The following XIRP2 variants were observed in gnomAD, a reference collection of about 807,000 sequenced individuals.
XIRP2 encodes xin actin binding repeat containing 2, also known as xin actin-binding repeat-containing protein 2.
XIRP2 carries 236 observed loss-of-function variants against 277.0 expected under a neutral mutation model. That is an observed-to-expected ratio of 0.85 (90% CI 0.77 to 0.95). The LOEUF is 0.95. Among genes scored for constraint, XIRP2 ranks in the 40% least tolerant of loss-of-function variants. XIRP2 has a pLI of 0.00. For synonymous variants in XIRP2, 1,490 were observed against 1,416.5 expected (o/e 1.05, Z -1.17); for missense variants, 4,640 against 4,157.5 (o/e 1.12, Z -3.19).
rs528312691 is a variant in XIRP2 at position 167,093,977 on chromosome 2, T to A, written c.409-41932T>A. Among the ~76,000 whole-genome samples, 17 of 151,966 alleles carry A rather than the reference T, an allele frequency of 1.1e-4. No homozygotes were observed. In the East Asian group the frequency reaches 2.7e-3, roughly 24 times the overall value. On this transcript the variant is annotated intron_variant, in intron 2 of 10. Transcript: ENST00000409195. ...ATTTCTCCACATCCTCTCCAGCATC[T>A]GTTGTTTCCTAACATTTTAATGATC...
chr2:167,214,618 G>A (rs1694189031), intron 4 of XIRP2, among the ~76,000 whole-genome samples: 1 of 152,072 alleles, frequency 6.6e-6, no homozygotes, highest in Non-Finnish European at 1.5e-5. Context: ...TCAGGCTGGA[G>A]TGCAGTGGCA....
intron 3 of XIRP2, among the ~76,000 whole-genome samples, chr2:167,137,621 G>A (rs1455958614): frequency 6.6e-6 from 1 of 152,092 alleles, no homozygotes; most frequent in Non-Finnish European, 1.5e-5. Flanking sequence ...GCCTTTTTAT[G>A]TTAAAAGCTT....
chr2:167,110,575 G>A lies in XIRP2; in HGVS notation c.409-25334G>A, dbSNP rs141014874. 5.3e-3 allele frequency among the ~76,000 whole-genome samples: 809 copies of A among 152,234 alleles called. 1 individual carries two copies. Among genetic ancestry groups the A allele is most frequent in the Non-Finnish European group, 9.5e-3 (644 of 68,022 alleles). On this transcript the variant is annotated intron_variant, in intron 2 of 10. Coordinates refer to ENST00000409195, the MANE Select transcript of XIRP2 (RefSeq NM_152381.6). Reference sequence around the variant, plus strand: ...GTAGCATGCTGCCTTGGTTACAGTAGCCCTCTAATATAGTTTGAAGTCTGG... The same window carrying A: ...GTAGCATGCTGCCTTGGTTACAGTAACCCTCTAATATAGTTTGAAGTCTGG...
rs1366922326 is a variant in XIRP2 at position 167,068,583 on chromosome 2, G to A, written c.409-67326G>A. Among the ~76,000 whole-genome samples, 4 of 151,458 alleles carry A rather than the reference G, an allele frequency of 2.6e-5. No homozygotes were observed. The East Asian group carries it at 7.7e-4, about 29-fold the overall frequency. ...TACCTTAGGCTTTGTAGGCCACATA[G>A]TCCCTTTCTCATATTTTTCTTTGCT... On this transcript the variant is annotated intron_variant, in intron 2 of 10. Coordinates refer to ENST00000409195, the MANE Select transcript of XIRP2 (RefSeq NM_152381.6).
chr2:167,099,810 C>T (rs1043757054), intron 2 of XIRP2, among the ~76,000 whole-genome samples: 6 of 152,096 alleles, frequency 3.9e-5, no homozygotes, highest in Admixed American at 6.6e-5. Flanking sequence ...CCTTACCCTG[C>T]TTCTGCTCGC....
At chr2:167,027,614 G>GT (rs1305150958) in intron 2 of XIRP2, among the ~76,000 whole-genome samples, 2 of 152,020 alleles carry the variant, frequency 1.3e-5, no homozygotes, top group Non-Finnish European at 2.9e-5. Context: ...TTTCTGCTCT[G>GT]TTTTTTCCCC....
chr2:166,968,769 A>C (rs1054788775), intron 2 of XIRP2, among the ~76,000 whole-genome samples: 3 of 151,938 alleles, frequency 2.0e-5, no homozygotes, highest in Non-Finnish European at 4.4e-5. Context: ...TTTTTAACAG[A>C]AGCTAGTACA....
intron 2 of XIRP2, among the ~76,000 whole-genome samples, chr2:167,012,946 A>T (rs563240032): frequency 6.6e-6 from 1 of 151,298 alleles, no homozygotes; most frequent in South Asian, 2.1e-4. Flanking sequence ...AAAAATTAGG[A>T]TGTAGTAGTA....
rs754871198 is a variant in XIRP2 at position 167,258,839 on chromosome 2, T to C, written c.*1022T>C. On this transcript the variant is annotated 3_prime_UTR_variant, in exon 11 of 11. Transcript: ENST00000409195. Reference sequence around the variant, plus strand: ...TAGAATCTCAGAGTTACTTGGTATATTTGAATCTGAAAAGACTTATTCGAG... The same window carrying C: ...TAGAATCTCAGAGTTACTTGGTATACTTGAATCTGAAAAGACTTATTCGAG... 3 of 1,613,028 alleles carry C rather than the reference T, an allele frequency of 1.9e-6. No individual in the cohort carries two copies. The highest frequency in any genetic ancestry group is 1.3e-5 in the African/African-American group (1 of 74,832).
At chr2:167,233,529 GCA>G (rs1694816231) in intron 5 of XIRP2, among the ~76,000 whole-genome samples, 1 of 151,692 alleles carries the variant, frequency 6.6e-6, no homozygotes, top group Admixed American at 6.6e-5. Context: ...GGTAAAGAGG[GCA>G]CAGACTCAAG....
In XIRP2 at chr2:167,247,048, A is replaced by C. The variant is rs752416774; in HGVS notation, c.5656A>C (p.Lys1886Gln). ...ATCAAGCCATCGATGGAAAGAATCT[A>C]AACAGCCTGATGCCATCCCTGGTGA... ...KESSHRWKES[K>Q]QPDAIPGDIE... The change falls in exon 9 of 11, where the codon AAA becomes CAA. Residue 1886 changes from lysine (K) to glutamine (Q), a missense_variant. By Grantham distance (53) the Lys-to-Gln change is moderately conservative. Transcript: ENST00000409195. 27 of 1,613,316 alleles carry C rather than the reference A, an allele frequency of 1.7e-5. No homozygotes were observed. The highest frequency in any genetic ancestry group is 2.3e-5 in the Non-Finnish European group (27 of 1,179,676).
At chr2:166,953,222 A>G (rs1686080712) in intron 2 of XIRP2, among the ~76,000 whole-genome samples, 1 of 151,828 alleles carries the variant, frequency 6.6e-6, no homozygotes, top group African/African-American at 2.4e-5. Context: ...TTGTGTTGAT[A>G]TGGTTTGGCT....
intron 2 of XIRP2, among the ~76,000 whole-genome samples, chr2:167,104,110 T>C (rs1048754028): frequency 1.3e-5 from 2 of 151,164 alleles, no homozygotes; most frequent in African/African-American, 4.8e-5. Context: ...GGTAATGTTC[T>C]TCTATGATTA....
chr2:167,191,114 A>C (rs1693317153), intron 3 of XIRP2, among the ~76,000 whole-genome samples: 1 of 148,084 alleles, frequency 6.8e-6, no homozygotes, highest in South Asian at 2.2e-4. Context: ...TGAATCTAGG[A>C]GGTTGAGGCT....
rs142960334 is a variant in XIRP2 at position 166,988,018 on chromosome 2, G to A, written c.408+84128G>A. Among the ~76,000 whole-genome samples, 28 of 152,182 alleles carry A rather than the reference G, an allele frequency of 1.8e-4. No homozygotes were observed. In the East Asian group the frequency reaches 5.2e-3, roughly 28 times the overall value. ...ACGAAGCAAACTCCAGAGCAATTGG[G>A]GCAGAAAAGAGACACTGATGTATTT... On this transcript the variant is annotated intron_variant, in intron 2 of 10. Coordinates refer to ENST00000409195, the MANE Select transcript of XIRP2 (RefSeq NM_152381.6).
intron 3 of XIRP2, among the ~76,000 whole-genome samples, chr2:167,207,913 A>G (rs1225265610): frequency 6.6e-6 from 1 of 152,114 alleles, no homozygotes; most frequent in Non-Finnish European, 1.5e-5. Flanking sequence ...GTGCCTCTCT[A>G]TGTTTTTTCT....
At chr2:167,041,064 A>G (rs1233212909) in intron 2 of XIRP2, among the ~76,000 whole-genome samples, 1 of 152,102 alleles carries the variant, frequency 6.6e-6, no homozygotes, top group Non-Finnish European at 1.5e-5. Context: ...CTGCAGTAAG[A>G]GTTTAACCTC....
chr2:166,950,109 G>C (rs1468392948), intron 2 of XIRP2, among the ~76,000 whole-genome samples: 1 of 151,986 alleles, frequency 6.6e-6, no homozygotes, highest in Non-Finnish European at 1.5e-5. Context: ...GCGATGGCTA[G>C]CAGTCCCTTA....
intron 1 of XIRP2, among the ~76,000 whole-genome samples, chr2:166,895,001 G>T (rs370307818): frequency 1.3e-5 from 2 of 152,186 alleles, no homozygotes; most frequent in East Asian, 1.9e-4. Context: ...GAGTACTTAC[G>T]CAGAGGGACA....
Sources: allele counts gnomAD v4.1 joint callset (sites outside exome capture counted in the v4.1 genomes callset), GRCh38; gene constraint gnomAD v4.1.1; transcripts MANE v1.5; gene names NCBI Gene and HGNC (gene_info 2026-07-23, HGNC 2026-07-21).